Variants in MMP26 observed in about 807,000 individuals in gnomAD.
The protein encoded by MMP26 is matrix metalloproteinase-26.
A neutral mutation model predicts 31.0 loss-of-function variants in MMP26; 33 were observed. The ratio of observed to expected loss-of-function variants is 1.06; its 90% CI spans 0.81 to 1.42. The LOEUF (loss-of-function observed/expected upper bound fraction) is 1.42, where lower values mean the gene tolerates loss of function less well. Among genes scored for constraint, MMP26 ranks in the 40% most tolerant of loss-of-function variants. The pLI, the probability that MMP26 is intolerant of heterozygous loss-of-function variation, is 0.00. For missense variants in MMP26, 347 were observed against 316.1 expected (o/e 1.10, Z -0.74); for synonymous variants, 122 against 114.9 (o/e 1.06, Z -0.40).
chr11:4,821,740 C>A, intron 2 of MMP26: 1 of 1,613,982 alleles, frequency 6.2e-7, no homozygotes, highest in Non-Finnish European at 8.5e-7. Flanking sequence ...GTTCTTTCTA[C>A]ACGGATTTAC....
At chr11:4,748,532 A>G (rs1848408668) in intron 1 of MMP26, among the ~76,000 whole-genome samples, 2 of 151,914 alleles carry the variant, frequency 1.3e-5, no homozygotes, top group South Asian at 4.1e-4. Context: ...TATAGATGCA[A>G]AAATTCTTAA....
At chr11:4,951,496 T>C (rs1201726857) in intron 2 of MMP26, among the ~76,000 whole-genome samples, 1 of 125,042 alleles carries the variant, frequency 8.0e-6, no homozygotes, top group Non-Finnish European at 1.8e-5. Flanking sequence ...ATTTTTGTTA[T>C]TATTGTTTCT....
intron 2 of MMP26, among the ~76,000 whole-genome samples, chr11:4,842,385 A>C (rs1849808169): frequency 6.6e-6 from 1 of 152,204 alleles, no homozygotes; most frequent in African/African-American, 2.4e-5. Context: ...AAGAGGTTTC[A>C]TTGTCTCACA....
In MMP26 at chr11:4,740,176, A is replaced by G; in HGVS notation, c.-216-27094A>G. Among the ~76,000 whole-genome samples the G allele has an allele frequency of 2.1e-5, 3 of 145,764 alleles. No homozygotes were observed. In the Middle Eastern group the frequency reaches 0.011, roughly 513 times the overall value. ...AAAATTAATATAAAAAATAAAAATAAGATCCTTATTCATCAGATAATTTTA... is the reference window on the plus strand; with the variant it reads ...AAAATTAATATAAAAAATAAAAATAGGATCCTTATTCATCAGATAATTTTA... On this transcript the variant is annotated intron_variant, in intron 1 of 7. Transcript: ENST00000380390.
rs527826236 is a variant in MMP26, at chr11:4,772,135, C to G, written c.-145+4794C>G. Among the ~76,000 whole-genome samples the G allele has an allele frequency of 1.4e-4, 22 of 152,270 alleles. No homozygotes were observed. The South Asian group carries it at 4.4e-3, about 30-fold the overall frequency. ...AAGACAGAGCAAAAAAGAAACCACC[C>G]TCTCTCCCTATCTATAAAAATTAGA... On this transcript the variant is annotated intron_variant, in intron 2 of 7. Coordinates refer to ENST00000380390, the MANE Select transcript of MMP26 (RefSeq NM_021801.5).
chr11:4,719,521 G>A (rs1044155503), intron 1 of MMP26: 1 of 153,652 alleles, frequency 6.5e-6, no homozygotes, highest in East Asian at 1.9e-4. Flanking sequence ...GATACGCTAG[G>A]CTGTGCTAAA....
intron 2 of MMP26, chr11:4,915,501 T>G: frequency 6.2e-7 from 1 of 1,614,110 alleles, no homozygotes. Context: ...CGCTCTGTTT[T>G]AATGATAAAA....
intron 1 of MMP26, among the ~76,000 whole-genome samples, chr11:4,726,253 G>T (rs927016249): frequency 2.0e-5 from 3 of 152,066 alleles, no homozygotes; most frequent in African/African-American, 7.2e-5. Flanking sequence ...GAGGAGAATG[G>T]ATCACTTGAG....
Position 4,988,049 on chromosome 11 carries a change from G to A in MMP26, c.-144-19G>A, listed in dbSNP as rs149048619. On this transcript the variant is annotated intron_variant, in intron 2 of 7. Coordinates refer to ENST00000380390, the MANE Select transcript of MMP26 (RefSeq NM_021801.5). Reference sequence around the variant, plus strand: ...CTGCTTTTGTCACCCTTGCATGCTGGTCACTCTGCCCTCAGCAGGTATGGA... The same window carrying A: ...CTGCTTTTGTCACCCTTGCATGCTGATCACTCTGCCCTCAGCAGGTATGGA... 3.1e-3 allele frequency: 2,086 copies of A among 674,734 alleles called. 10 individuals carry two copies. The highest frequency in any genetic ancestry group is 3.9e-3 in the Non-Finnish European group (1,446 of 367,278). 41.8% of individuals were successfully genotyped at this position (674,734 alleles called of 1,614,324 possible). A position where few individuals can be genotyped will look rare whatever the true frequency, so the allele number is the denominator to read the frequency against.
chr11:4,927,599 GT>G (rs1469664986), intron 2 of MMP26, among the ~76,000 whole-genome samples: 1 of 152,102 alleles, frequency 6.6e-6, no homozygotes, highest in Non-Finnish European at 1.5e-5. Context: ...TGTTCTGACT[GT>G]TTTCTATGTG....
At chr11:4,726,302 A>G (rs1848098818) in intron 1 of MMP26, among the ~76,000 whole-genome samples, 1 of 152,014 alleles carries the variant, frequency 6.6e-6, no homozygotes, top group African/African-American at 2.4e-5. Context: ...AGGCTCTACT[A>G]AAAATACAAA....
At chr11:4,940,878 C>T (rs1017977291) in intron 2 of MMP26, among the ~76,000 whole-genome samples, 5 of 152,082 alleles carry the variant, frequency 3.3e-5, no homozygotes, top group Non-Finnish European at 5.9e-5. Context: ...TTTAGCGTCC[C>T]AAGTTCCAAA....
chr11:4,769,519 C>T (rs1340129561), intron 2 of MMP26: 8 of 1,613,644 alleles, frequency 5.0e-6, no homozygotes, highest in Non-Finnish European at 6.8e-6. Context: ...TGGTAGTGTA[C>T]CTCAGAGGGT....
intron 2 of MMP26, among the ~76,000 whole-genome samples, chr11:4,862,733 AG>A (rs1168159842): frequency 6.6e-6 from 1 of 152,168 alleles, no homozygotes; most frequent in East Asian, 1.9e-4. Context: ...ATTTTCTGTT[AG>A]AAAAATATGA....
chr11:4,943,991 A>T (rs1846256394), intron 2 of MMP26: 1 of 413,778 alleles, frequency 2.4e-6, no homozygotes, highest in Non-Finnish European at 4.8e-6. Flanking sequence ...TGAAGTCTTC[A>T]TATTGGGCTG....
At chr11:4,848,503 CCA>C (rs1304835713) in intron 2 of MMP26, 22 of 1,613,528 alleles carry the variant, frequency 1.4e-5, no homozygotes, top group Non-Finnish European at 1.6e-5. Context: ...TCTCTGGACT[CCA>C]CACCTTGCAA....
intron 2 of MMP26, among the ~76,000 whole-genome samples, chr11:4,854,508 C>A (rs1850021425): frequency 6.6e-6 from 1 of 152,154 alleles, no homozygotes; most frequent in Non-Finnish European, 1.5e-5. Context: ...AGCAGCAAGG[C>A]CAGGGGAGGG....
rs1848059655 is a variant in MMP26 at position 4,723,969 on chromosome 11, G to C, written c.-217+18924G>C. 25 of 752,554 alleles carry C rather than the reference G, an allele frequency of 3.3e-5. 1 individual carries two copies. The highest frequency in any genetic ancestry group is 6.0e-5 in the Non-Finnish European group (25 of 417,056). The allele number at this position is 752,554 out of a possible 1,614,324, so 46.6% of individuals were successfully genotyped here. A position where few individuals can be genotyped will look rare whatever the true frequency, so the allele number is the denominator to read the frequency against. On this transcript the variant is annotated intron_variant, in intron 1 of 7. Transcript: ENST00000380390. ...TAAGGGGACTCAGCAGGTTCTGGTT[G>C]ACTGTGTCAGTGGTGATGCCTCCCA...
At chr11:4,729,877 C>T (rs1193563304) in intron 1 of MMP26, among the ~76,000 whole-genome samples, 4 of 151,856 alleles carry the variant, frequency 2.6e-5, no homozygotes, top group Non-Finnish European at 5.9e-5. Flanking sequence ...GTCTGATGAC[C>T]TACGTGATGC....
Sources: allele counts gnomAD v4.1 joint callset (sites outside exome capture counted in the v4.1 genomes callset), GRCh38; gene constraint gnomAD v4.1.1; transcripts MANE v1.5; gene names NCBI Gene and HGNC (gene_info 2026-07-23, HGNC 2026-07-21).